CFAP107: variants seen among roughly 807,000 people sequenced by gnomAD.
CFAP107 encodes cilia and flagella associated protein 107, also known as cilia- and flagella-associated protein 107.
the CFAP107 span, among the ~76,000 whole-genome samples, chr1:12,756,773 C>T: frequency 6.6e-6 from 1 of 152,222 alleles, no homozygotes; most frequent in African/African-American, 2.4e-5. Flanking sequence ...GAGATTCATT[C>T]AGCTCAGCGG....
the CFAP107 span, among the ~76,000 whole-genome samples, chr1:12,749,091 G>C: frequency 6.6e-6 from 1 of 152,000 alleles, no homozygotes; most frequent in Non-Finnish European, 1.5e-5. Flanking sequence ...GAGAGAGAAA[G>C]GGGCTAAAAG....
At chr1:12,763,530 G>C in the CFAP107 span, 1 of 152,170 alleles carries the variant, frequency 6.6e-6, no homozygotes, top group African/African-American at 2.4e-5. Flanking sequence ...CACGTTTGAA[G>C]TCTCTGACTT....
the CFAP107 span, chr1:12,761,186 G>A: frequency 1.0e-4 from 49 of 485,102 alleles, no homozygotes; most frequent in Middle Eastern, 1.6e-3. Flanking sequence ...GGCTATGTAC[G>A]TGCACAAGAC....
At chr1:12,756,094 G>A in the CFAP107 span, among the ~76,000 whole-genome samples, 1 of 152,218 alleles carries the variant, frequency 6.6e-6, no homozygotes, top group Non-Finnish European at 1.5e-5. Flanking sequence ...GCAAGAAATA[G>A]CAACCAAAGG....
the CFAP107 span, chr1:12,746,222 A>T: frequency 2.3e-6 from 1 of 441,598 alleles, no homozygotes; most frequent in Admixed American, 3.4e-5. Context: ...AGAATCCAAG[A>T]TAGATCAACT....
At chr1:12,761,456 C>G in the CFAP107 span, 1 of 152,694 alleles carries the variant, frequency 6.5e-6, no homozygotes, top group Admixed American at 6.5e-5. Context: ...GGAAGGCGTG[C>G]TCTGGCCCCA....
At chr1:12,760,774 C>T in the CFAP107 span, 1 of 1,613,070 alleles carries the variant, frequency 6.2e-7, no homozygotes. Context: ...TTGCAGCTCC[C>T]CCTACAAACT....
At chr1:12,757,958 AC>A in the CFAP107 span, among the ~76,000 whole-genome samples, 1 of 151,762 alleles carries the variant, frequency 6.6e-6, no homozygotes. Context: ...GCCTTAAATC[AC>A]CCCAGGGCCA....
the CFAP107 span, chr1:12,762,174 C>G: frequency 4.6e-5 from 7 of 152,250 alleles, no homozygotes; most frequent in Non-Finnish European, 1.0e-4. Flanking sequence ...CTTAGGGTCA[C>G]TTTGGCACCT....
the CFAP107 span, among the ~76,000 whole-genome samples, chr1:12,756,348 G>A: frequency 0.18 from 27,099 of 152,142 alleles, 2,678 homozygotes; most frequent in Middle Eastern, 0.24. Context: ...CCCAAGGAGG[G>A]GCATTTGAGA....
At chr1:12,753,781 G>C in the CFAP107 span, 2 of 152,082 alleles carry the variant, frequency 1.3e-5, no homozygotes, top group Admixed American at 1.3e-4. Context: ...GAAAACATAG[G>C]GGGCTGGGTG....
chr1:12,756,110 G>A, the CFAP107 span, among the ~76,000 whole-genome samples: 10 of 152,238 alleles, frequency 6.6e-5, no homozygotes, highest in Non-Finnish European at 2.9e-5. Context: ...AAAGGTAAAT[G>A]ATGCATATAG....
At chr1:12,757,539 C>G in the CFAP107 span, among the ~76,000 whole-genome samples, 3 of 151,928 alleles carry the variant, frequency 2.0e-5, no homozygotes, top group African/African-American at 4.8e-5. Flanking sequence ...TGTGCCAACA[C>G]AGCTGGCTAA....
At chr1:12,763,231 G>C in the CFAP107 span, 1 of 151,764 alleles carries the variant, frequency 6.6e-6, no homozygotes, top group South Asian at 2.1e-4. Flanking sequence ...GGTAGCTGAT[G>C]AGCTAAAAAA....
chr1:12,755,175 G>C, the CFAP107 span, among the ~76,000 whole-genome samples: 61 of 152,318 alleles, frequency 4.0e-4, no homozygotes, highest in Admixed American at 2.5e-3. Flanking sequence ...GGGAGGCCGA[G>C]GCACGTGGAT....
At chr1:12,746,276 C>A in the CFAP107 span, 1 of 532,880 alleles carries the variant, frequency 1.9e-6, no homozygotes, top group Non-Finnish European at 3.4e-6. Flanking sequence ...GTTTTATTCT[C>A]TGAGGTTAGC....
chr1:12,751,935 C>A, the CFAP107 span, among the ~76,000 whole-genome samples: 1 of 152,048 alleles, frequency 6.6e-6, no homozygotes, highest in African/African-American at 2.4e-5. Flanking sequence ...CTGAATAGAT[C>A]TATAACTAGT....
chr1:12,758,358 C>T, the CFAP107 span, among the ~76,000 whole-genome samples: 8 of 152,324 alleles, frequency 5.3e-5, no homozygotes, highest in Admixed American at 3.3e-4. Context: ...TCCCATGCCA[C>T]GAGGCTGCTT....
the CFAP107 span, among the ~76,000 whole-genome samples, chr1:12,752,554 C>T: frequency 4.3e-4 from 16 of 36,804 alleles, no homozygotes; most frequent in South Asian, 7.4e-3. Flanking sequence ...CCGACTCTGT[C>T]TAAAAAAAAA....
Sources: gnomAD v4.1 joint callset for allele counts (sites outside exome capture counted in the v4.1 genomes callset) on GRCh38, gnomAD v4.1.1 for gene constraint, MANE v1.5 for transcripts, NCBI Gene and HGNC (gene_info 2026-07-23, HGNC 2026-07-21) for gene names.